The following FER variants were observed in gnomAD, a reference collection of about 807,000 sequenced individuals.
FER encodes tyrosine-protein kinase Fer.
FER carries 63 observed loss-of-function variants against 111.0 expected under a neutral mutation model. The observed-to-expected ratio is 0.57, with a 90% CI of 0.46 to 0.70. FER has a LOEUF of 0.70. FER is among the 30% of genes least tolerant of loss of function. The pLI is 0.00. For synonymous variants in FER, 327 were observed against 313.9 expected, an observed-to-expected ratio of 1.04 and a Z score of -0.44; for missense variants, 914 against 954.0, an observed-to-expected ratio of 0.96 and a Z score of 0.55.
intron 10 of FER, among the ~76,000 whole-genome samples, chr5:108,911,671 C>G (rs1475943527): frequency 2.0e-5 from 3 of 152,038 alleles, no homozygotes; most frequent in Non-Finnish European, 4.4e-5. Context: ...TAGTTTTATT[C>G]TTTTGCATAT....
At chr5:109,128,675 A>T (rs1752020294) in intron 17 of FER, among the ~76,000 whole-genome samples, 1 of 152,192 alleles carries the variant, frequency 6.6e-6, no homozygotes, top group African/African-American at 2.4e-5. Context: ...TTAACCAAGC[A>T]TAAATTTCTA....
intron 16 of FER, among the ~76,000 whole-genome samples, chr5:109,061,155 TTGGA>T (rs1774363716): frequency 6.6e-6 from 1 of 152,212 alleles, no homozygotes; most frequent in Admixed American, 6.5e-5. Context: ...ACTGAAGTGA[TTGGA>T]TTACATGACC....
intron 1 of FER, among the ~76,000 whole-genome samples, chr5:108,758,432 T>A (rs1261036795): frequency 6.6e-6 from 1 of 152,218 alleles, no homozygotes. Flanking sequence ...GATTCTTCAG[T>A]TGCATGAGAC....
intron 17 of FER, among the ~76,000 whole-genome samples, chr5:109,179,438 C>G (rs1009024720): frequency 6.6e-6 from 1 of 152,138 alleles, no homozygotes; most frequent in African/African-American, 2.4e-5. Context: ...TTTTCTGCAT[C>G]AGTTGGAATG....
intron 16 of FER, among the ~76,000 whole-genome samples, chr5:109,049,915 T>C (rs1312988673): frequency 6.6e-6 from 1 of 152,212 alleles, no homozygotes; most frequent in Non-Finnish European, 1.5e-5. Flanking sequence ...AATGAAATCT[T>C]AGTGCAAACA....
chr5:109,025,980 A>C (rs1257492173), intron 13 of FER, among the ~76,000 whole-genome samples: 3 of 152,162 alleles, frequency 2.0e-5, no homozygotes, highest in Non-Finnish European at 2.9e-5. Context: ...GGAGGGCATA[A>C]CTGTTGGCTC....
Position 109,136,249 on chromosome 5 carries a change from C to T in FER, c.2048+35730C>T, listed in dbSNP as rs143553919. ...CAGAGGTTGCAATGAGCTGAGATCA[C>T]GCCACTGTACTCCAGCCTGGGTGAC... On this transcript the variant is annotated intron_variant, in intron 17 of 19. Coordinates refer to ENST00000281092, the MANE Select transcript of FER (RefSeq NM_005246.4). Among the ~76,000 whole-genome samples, 97 of 151,762 alleles carry T rather than the reference C, an allele frequency of 6.4e-4. No homozygotes were observed. In the East Asian group the frequency reaches 0.016, roughly 24 times the overall value.
At chr5:109,165,643 C>T (rs945744524) in intron 17 of FER, among the ~76,000 whole-genome samples, 2 of 141,980 alleles carry the variant, frequency 1.4e-5, no homozygotes, top group African/African-American at 2.6e-5. Context: ...TGTGTGTATA[C>T]ACACATATAT....
chr5:109,043,087 G>GA (rs1278123947), intron 14 of FER, among the ~76,000 whole-genome samples: 1 of 152,156 alleles, frequency 6.6e-6, no homozygotes, highest in African/African-American at 2.4e-5. Flanking sequence ...CAAGGAATAA[G>GA]ACAAAAAGTA....
intron 16 of FER, among the ~76,000 whole-genome samples, chr5:109,053,378 G>A (rs374142964): frequency 2.3e-4 from 25 of 106,400 alleles, no homozygotes; most frequent in South Asian, 9.2e-4. Flanking sequence ...GTGAGACTCC[G>A]TCTCAAAAAA....
chr5:108,753,747 T>G (rs1472627230), intron 1 of FER, among the ~76,000 whole-genome samples: 1 of 152,212 alleles, frequency 6.6e-6, no homozygotes, highest in African/African-American at 2.4e-5. Context: ...TGTTTCAGAT[T>G]GTGTGTTCTG....
chr5:108,910,631 T>C (rs890279063), intron 10 of FER, among the ~76,000 whole-genome samples: 3 of 152,008 alleles, frequency 2.0e-5, no homozygotes, highest in African/African-American at 7.2e-5. Context: ...CCCCCTCCGC[T>C]TCTCCCACTT....
intron 6 of FER, 123 bp downstream of exon 6, chr5:108,868,073 C>A: frequency 1.2e-6 from 1 of 840,692 alleles, no homozygotes; most frequent in Non-Finnish European, 1.8e-6. Flanking sequence ...GTATTTCAGA[C>A]CTTGATTCTT....
chr5:108,799,174 G>A (rs2150047015), intron 3 of FER, among the ~76,000 whole-genome samples: 1 of 152,242 alleles, frequency 6.6e-6, no homozygotes, highest in Non-Finnish European at 1.5e-5. Flanking sequence ...GATGAATAAT[G>A]TATTTTTTAA....
chr5:109,165,593 GGTGTGTGTGTGTGTGTGTGTGTGT>G (rs66749153), intron 17 of FER, among the ~76,000 whole-genome samples: 2 of 142,246 alleles, frequency 1.4e-5, no homozygotes, highest in Non-Finnish European at 3.1e-5. Flanking sequence ...GGAGGGAACT[GGTGTGTGTGTGTGTGTGTGTGTGT>G]GTGTGTGTGT....
At chr5:109,186,464 TATCTAAC>T in intron 19 of FER, 142 bp downstream of exon 19, 1 of 1,202,510 alleles carries the variant, frequency 8.3e-7, no homozygotes, top group Non-Finnish European at 1.2e-6. Context: ...GAAGCAGATT[TATCTAAC>T]ATCTCTGCTC....
At chr5:108,872,348 G>C in intron 8 of FER, 136 bp downstream of exon 8, 1 of 727,862 alleles carries the variant, frequency 1.4e-6, no homozygotes, top group Non-Finnish European at 2.1e-6. Context: ...CATGTTTTGA[G>C]AAATATGTTA....
At chr5:109,147,753 T>C (rs1299786320) in intron 17 of FER, among the ~76,000 whole-genome samples, 2 of 149,176 alleles carry the variant, frequency 1.3e-5, no homozygotes, top group Non-Finnish European at 3.0e-5. Flanking sequence ...GTATGTTCTA[T>C]ACAAAGAGAA....
chr5:108,866,246 T>G (rs922387340), intron 5 of FER, among the ~76,000 whole-genome samples: 1 of 152,158 alleles, frequency 6.6e-6, no homozygotes, highest in Non-Finnish European at 1.5e-5. Context: ...CATGGAATAC[T>G]ATGCAGCCAT....
Sources: gnomAD v4.1 joint callset for allele counts (sites outside exome capture counted in the v4.1 genomes callset) on GRCh38, gnomAD v4.1.1 for gene constraint, MANE v1.5 for transcripts, NCBI Gene and HGNC (gene_info 2026-07-23, HGNC 2026-07-21) for gene names.